Variants in GSK3B observed in about 807,000 individuals in gnomAD.
GSK3B encodes the protein glycogen synthase kinase-3 beta.
GSK3B carries 15 observed loss-of-function variants against 56.4 expected under a neutral mutation model. The observed-to-expected ratio is 0.27, with a 90% CI of 0.18 to 0.41. GSK3B has a LOEUF of 0.41. GSK3B is among the 10% of genes least tolerant of loss of function. GSK3B has a pLI of 1.00. For synonymous variants in GSK3B, 181 were observed against 188.9 expected, an observed-to-expected ratio of 0.96 and a Z score of 0.34; for missense variants, 300 against 513.4, an observed-to-expected ratio of 0.58 and a Z score of 4.02.
chr3:119,899,851 T>G (rs1214624144), intron 7 of GSK3B, among the ~76,000 whole-genome samples: 2 of 152,122 alleles, frequency 1.3e-5, no homozygotes, highest in Non-Finnish European at 2.9e-5. Context: ...TTGTAGAATT[T>G]GTAGGTCCTT....
intron 8 of GSK3B, among the ~76,000 whole-genome samples, 159 bp from the exon 9 acceptor site, chr3:119,863,764 C>A (rs1027792711): frequency 6.6e-6 from 1 of 152,064 alleles, no homozygotes; most frequent in Non-Finnish European, 1.5e-5. Flanking sequence ...ATATGATTCA[C>A]AGGGGTGAAT....
At chr3:119,907,212 G>A (rs1193494708) in intron 6 of GSK3B, among the ~76,000 whole-genome samples, 3 of 152,034 alleles carry the variant, frequency 2.0e-5, no homozygotes, top group African/African-American at 7.2e-5. Context: ...AAGGTAATAT[G>A]CACTCAACTT....
chr3:120,025,434 G>A (rs183507073), intron 1 of GSK3B, among the ~76,000 whole-genome samples: 5 of 152,168 alleles, frequency 3.3e-5, no homozygotes, highest in African/African-American at 1.2e-4. Context: ...TTAATGGCAG[G>A]GAAGAAAGGA....
At position 119,927,159 on chromosome 3, in the gene GSK3B, T is replaced by C. The variant is rs538856607; in HGVS notation, c.367-3676A>G. Among the ~76,000 whole-genome samples, 7 of 152,334 alleles carry C rather than the reference T, an allele frequency of 4.6e-5. 1 individual carries two copies. In the South Asian group the frequency reaches 1.5e-3, roughly 32 times the overall value. ...AATGGGCATTTTAAAAAATGTAGTA[T>C]TACATATTTCACAATGTATACACAT... On this transcript the variant is annotated intron_variant, in intron 3 of 10. Transcript: ENST00000264235.
At chr3:120,050,328 C>T (rs1385447342) in intron 1 of GSK3B, among the ~76,000 whole-genome samples, 1 of 152,196 alleles carries the variant, frequency 6.6e-6, no homozygotes, top group Non-Finnish European at 1.5e-5. Context: ...AGTTTTAATG[C>T]TGAAAAACAA....
chr3:119,929,376 A>G (rs1034912658), intron 3 of GSK3B, among the ~76,000 whole-genome samples: 11 of 152,256 alleles, frequency 7.2e-5, no homozygotes, highest in Non-Finnish European at 1.5e-4. Context: ...TCCATTTTAC[A>G]AAATTAATCA....
intron 1 of GSK3B, among the ~76,000 whole-genome samples, chr3:120,090,270 A>T (rs2058499885): frequency 1.3e-5 from 2 of 152,132 alleles, no homozygotes; most frequent in African/African-American, 4.8e-5. Flanking sequence ...GAAGCATTTA[A>T]ATAAAAGCCC....
At chr3:120,028,402 C>G (rs1477575399) in intron 1 of GSK3B, among the ~76,000 whole-genome samples, 1 of 152,128 alleles carries the variant, frequency 6.6e-6, no homozygotes, top group Non-Finnish European at 1.5e-5. Flanking sequence ...TATTTGAAAC[C>G]TTCCAGACTA....
intron 6 of GSK3B, among the ~76,000 whole-genome samples, chr3:119,911,768 AT>A (rs1318727299): frequency 6.6e-6 from 1 of 152,122 alleles, no homozygotes; most frequent in Non-Finnish European, 1.5e-5. Context: ...TCCTCATGAA[AT>A]AACCTCTGCT....
chr3:119,944,208 G>C (rs1405782635), intron 3 of GSK3B, among the ~76,000 whole-genome samples: 1 of 151,976 alleles, frequency 6.6e-6, no homozygotes, highest in Non-Finnish European at 1.5e-5. Context: ...ACTTCCTGTA[G>C]GCTCATGTTC....
chr3:119,831,380 G>T (rs770983100), intron 10 of GSK3B, among the ~76,000 whole-genome samples: 8 of 152,044 alleles, frequency 5.3e-5, no homozygotes, highest in Admixed American at 4.6e-4. Flanking sequence ...AGAGTGGGCC[G>T]GGCGCGGTGG....
intron 1 of GSK3B, among the ~76,000 whole-genome samples, chr3:120,091,717 T>C (rs2058514037): frequency 6.6e-6 from 1 of 152,180 alleles, no homozygotes; most frequent in Non-Finnish European, 1.5e-5. Flanking sequence ...TTAAAATATT[T>C]TTCAAATCAC....
At position 120,038,790 on chromosome 3, in the gene GSK3B, T is replaced by C. The variant is rs1274700067; in HGVS notation, c.89-36551A>G. On this transcript the variant is annotated intron_variant, in intron 1 of 10. Transcript: ENST00000264235. ...TAACCTTTGGTTTGACGAGGACTTT[T>C]TACATACAACACCAAAAGCACAGTC... 2.6e-5 allele frequency among the ~76,000 whole-genome samples: 4 copies of C among 151,836 alleles called. No homozygotes were observed. In the East Asian group the frequency reaches 7.7e-4, roughly 29 times the overall value.
intron 1 of GSK3B, among the ~76,000 whole-genome samples, chr3:120,019,002 T>C (rs1257312904): frequency 1.3e-5 from 2 of 152,124 alleles, no homozygotes; most frequent in Non-Finnish European, 2.9e-5. Context: ...ATGAAACATT[T>C]TGGAAATTGA....
chr3:119,858,632 A>G (rs2056055619), intron 9 of GSK3B, among the ~76,000 whole-genome samples: 1 of 152,140 alleles, frequency 6.6e-6, no homozygotes, highest in African/African-American at 2.4e-5. Flanking sequence ...TAGCACTTTA[A>G]ATTTCCTTTG....
chr3:119,961,382 C>T (rs1354781162), intron 2 of GSK3B, among the ~76,000 whole-genome samples: 3 of 152,140 alleles, frequency 2.0e-5, no homozygotes, highest in Admixed American at 6.5e-5. Context: ...AATCCCAGCA[C>T]TTTGGGAGGC....
intron 9 of GSK3B, 52 bp from the exon 10 acceptor site, chr3:119,843,405 A>T: frequency 1.0e-6 from 1 of 992,404 alleles, no homozygotes; most frequent in Non-Finnish European, 1.6e-6. Context: ...CTTTGTATGC[A>T]AAACTATTTT....
intron 2 of GSK3B, among the ~76,000 whole-genome samples, chr3:119,971,455 G>A (rs1173339228): frequency 2.6e-5 from 4 of 151,984 alleles, no homozygotes; most frequent in African/African-American, 7.3e-5. Context: ...GAGTTTTAGG[G>A]CAGAATTAGT....
In GSK3B at chr3:119,826,529, T is replaced by C. The variant is rs1177424856; in HGVS notation, c.*259A>G. On this transcript the variant is annotated 3_prime_UTR_variant, in exon 11 of 11. Transcript: ENST00000264235. ...GTCGTGGGAGAGAGATTGTATGTTC[T>C]AGTGCTCCGCTTTCCCCCTCCCCAC... 1.7e-6 allele frequency: 1 copy of C among 594,242 alleles called. No individual in the cohort carries two copies. The highest frequency in any genetic ancestry group is 3.0e-6 in the Non-Finnish European group (1 of 330,044). 36.8% of individuals were successfully genotyped at this position (594,242 alleles called of 1,614,324 possible).
Sources: allele counts gnomAD v4.1 joint callset (sites outside exome capture counted in the v4.1 genomes callset), GRCh38; gene constraint gnomAD v4.1.1; transcripts MANE v1.5; gene names NCBI Gene and HGNC (gene_info 2026-07-23, HGNC 2026-07-21).